The following NEDD4L variants were observed in gnomAD, a reference collection of about 807,000 sequenced individuals.
The protein encoded by NEDD4L is E3 ubiquitin-protein ligase NEDD4-like.
In NEDD4L, 54 loss-of-function variants were observed where a neutral mutation model predicts 148.9. That is an observed-to-expected ratio of 0.36 (90% CI 0.29 to 0.45). The LOEUF (loss-of-function observed/expected upper bound fraction) is 0.45. NEDD4L is among the 20% of genes least tolerant of loss of function. The pLI is 1.00. For missense variants in NEDD4L, 856 were observed against 1,233.8 expected (o/e 0.69, Z 4.59); for synonymous variants, 433 against 440.7 (o/e 0.98, Z 0.22).
intron 1 of NEDD4L, among the ~76,000 whole-genome samples, chr18:58,154,780 C>G (rs2035257103): frequency 6.6e-6 from 1 of 152,230 alleles, no homozygotes. Context: ...AAGAGTGAGA[C>G]TTCGTCTCTA....
intron 1 of NEDD4L, among the ~76,000 whole-genome samples, chr18:58,075,373 G>A (rs7227763): frequency 0.012 from 1,785 of 152,078 alleles, 43 homozygotes; most frequent in African/African-American, 0.04. Context: ...GGCTGGTCTC[G>A]AACTCCTGAC....
intron 28 of NEDD4L, 73 bp downstream of exon 28, chr18:58,389,265 T>C (rs1165197855): frequency 4.5e-6 from 5 of 1,121,972 alleles, no homozygotes; most frequent in Non-Finnish European, 5.3e-6. Flanking sequence ...GCGCCCTCCA[T>C]TGTGGTCTGA....
At chr18:58,209,532 T>G (rs2042391813) in intron 2 of NEDD4L, among the ~76,000 whole-genome samples, 1 of 126,330 alleles carries the variant, frequency 7.9e-6, no homozygotes, top group African/African-American at 3.0e-5. Context: ...TTCCATTACT[T>G]ACTTGCCTTG....
At chr18:58,283,426 C>T (rs148771295) in intron 5 of NEDD4L, among the ~76,000 whole-genome samples, 472 of 152,246 alleles carry the variant, frequency 3.1e-3, no homozygotes, top group African/African-American at 6.5e-3. Flanking sequence ...ACATCACTGC[C>T]GCTCATATTT....
intron 2 of NEDD4L, among the ~76,000 whole-genome samples, chr18:58,229,253 C>T (rs184820495): frequency 6.6e-6 from 1 of 152,144 alleles, no homozygotes; most frequent in Non-Finnish European, 1.5e-5. Context: ...CACACAAATG[C>T]CATTTCTTAC....
At chr18:58,245,004 GT>G (rs1458822392) in intron 2 of NEDD4L, among the ~76,000 whole-genome samples, 4 of 152,060 alleles carry the variant, frequency 2.6e-5, no homozygotes, top group African/African-American at 9.7e-5. Context: ...CCTTGATTTG[GT>G]TTTTAATCTG....
At chr18:58,250,064 A>G (rs1475730145) in intron 4 of NEDD4L, among the ~76,000 whole-genome samples, 5 of 152,230 alleles carry the variant, frequency 3.3e-5, no homozygotes, top group African/African-American at 1.2e-4. Context: ...AGTACATCCC[A>G]TACTTTTTTC....
intron 1 of NEDD4L, among the ~76,000 whole-genome samples, chr18:58,065,217 A>G (rs1470573269): frequency 6.6e-6 from 1 of 152,240 alleles, no homozygotes; most frequent in Non-Finnish European, 1.5e-5. Context: ...AACACAATTT[A>G]TTTAATCCCT....
intron 1 of NEDD4L, chr18:58,149,440 A>G: frequency 1.3e-6 from 2 of 1,530,156 alleles, no homozygotes; most frequent in Non-Finnish European, 1.8e-6. Flanking sequence ...CCTTGGCTGC[A>G]GCCACGACTT....
chr18:58,129,657 A>C (rs1272552842), intron 1 of NEDD4L, among the ~76,000 whole-genome samples: 1 of 152,194 alleles, frequency 6.6e-6, no homozygotes, highest in Non-Finnish European at 1.5e-5. Context: ...TCAGATAGGG[A>C]CCTTGTGATC....
chr18:58,280,067 G>C (rs2052773238), intron 5 of NEDD4L, among the ~76,000 whole-genome samples: 1 of 152,062 alleles, frequency 6.6e-6, no homozygotes, highest in Non-Finnish European at 1.5e-5. Flanking sequence ...TTTTTGCGGG[G>C]GGAGGAGGTA....
chr18:58,172,782 G>A (rs1456970334), intron 2 of NEDD4L, among the ~76,000 whole-genome samples: 1 of 152,142 alleles, frequency 6.6e-6, no homozygotes, highest in East Asian at 1.9e-4. Flanking sequence ...TCATCAGCCC[G>A]AGATCAAACA....
chr18:58,165,749 T>A lies in NEDD4L; in HGVS notation c.49-39T>A, dbSNP rs1442921151. Reference sequence around the variant, plus strand: ...GGATGAGAGAGTGATTGATTGAAGATCAGGTTTTTAACCTCTTTTTTTGTT... The same window carrying A: ...GGATGAGAGAGTGATTGATTGAAGAACAGGTTTTTAACCTCTTTTTTTGTT... On this transcript the variant is annotated intron_variant, in intron 1 of 30. Coordinates refer to ENST00000400345, the MANE Select transcript of NEDD4L (RefSeq NM_001144967.3). 3.8e-6 allele frequency: 6 copies of A among 1,571,334 alleles called. No individual in the cohort carries two copies. The South Asian group carries it at 5.7e-5, about 15-fold the overall frequency.
intron 5 of NEDD4L, among the ~76,000 whole-genome samples, chr18:58,276,212 T>TTTTTGGG (rs1555782967): frequency 1.9e-5 from 2 of 103,448 alleles, no homozygotes; most frequent in Non-Finnish European, 4.3e-5. Flanking sequence ...TTTTTTTTTT[T>TTTTTGGG]GGGTGGGGAG....
chr18:58,389,207 CA>C lies in NEDD4L; in HGVS notation c.2655+16del. Reference sequence around the variant, plus strand: ...GGTTCTGGAAGGTAACTCCGGGGCCCAGCCCCAGCCGGTGTCCTCCACCTGA... The same window carrying C: ...GGTTCTGGAAGGTAACTCCGGGGCCCGCCCCAGCCGGTGTCCTCCACCTGA... On this transcript the variant is annotated intron_variant, in intron 28 of 30. Transcript: ENST00000400345. The C allele has an allele frequency of 6.3e-7, 1 of 1,585,460 alleles. No individual in the cohort carries two copies. Among genetic ancestry groups the C allele is most frequent in the South Asian group, 1.1e-5 (1 of 89,988 alleles).
chr18:58,058,771 C>G (rs1337040699), intron 1 of NEDD4L, among the ~76,000 whole-genome samples: 2 of 152,198 alleles, frequency 1.3e-5, no homozygotes, highest in African/African-American at 4.8e-5. Flanking sequence ...CTCCAACTAT[C>G]CCTCTTCACA....
At chr18:58,220,930 C>T (rs1338905717) in intron 2 of NEDD4L, among the ~76,000 whole-genome samples, 1 of 152,130 alleles carries the variant, frequency 6.6e-6, no homozygotes, top group African/African-American at 2.4e-5. Context: ...TCTGCTGGCA[C>T]CTTCAAGGCC....
chr18:58,067,070 A>G (rs535441725), intron 1 of NEDD4L, among the ~76,000 whole-genome samples: 2 of 152,378 alleles, frequency 1.3e-5, no homozygotes, highest in African/African-American at 4.8e-5. Flanking sequence ...AAATGTTTCC[A>G]GCCCTGAACT....
intron 5 of NEDD4L, among the ~76,000 whole-genome samples, chr18:58,291,786 C>T (rs989291100): frequency 1.1e-4 from 16 of 152,120 alleles, no homozygotes; most frequent in Non-Finnish European, 1.0e-4. Context: ...TTTCCCCCCA[C>T]CCCATGGATA....
Sources: gnomAD v4.1 joint callset for allele counts (sites outside exome capture counted in the v4.1 genomes callset) on GRCh38, gnomAD v4.1.1 for gene constraint, MANE v1.5 for transcripts, NCBI Gene and HGNC (gene_info 2026-07-23, HGNC 2026-07-21) for gene names.